Variants in AP2A2 observed in about 807,000 individuals in gnomAD.
The protein encoded by AP2A2 is adaptor related protein complex 2 subunit alpha 2, also known as AP-2 complex subunit alpha-2.
AP2A2 carries 32 observed loss-of-function variants against 104.2 expected under a neutral mutation model. The observed-to-expected ratio is 0.31, with a 90% CI of 0.23 to 0.41. The LOEUF (loss-of-function observed/expected upper bound fraction) is 0.41. Among genes scored for constraint, AP2A2 ranks in the 10% least tolerant of loss-of-function variants. AP2A2 has a pLI of 1.00. For synonymous variants in AP2A2, 539 were observed against 533.3 expected (o/e 1.01, Z -0.15); for missense variants, 912 against 1,261.0 (o/e 0.72, Z 4.19).
At chr11:952,308 TC>T (rs894402382) in intron 1 of AP2A2, among the ~76,000 whole-genome samples, 1 of 152,226 alleles carries the variant, frequency 6.6e-6, no homozygotes, top group Non-Finnish European at 1.5e-5. Context: ...CTTGGGCTGT[TC>T]CCAGAATACT....
Position 981,485 on chromosome 11 carries a change from T to G in AP2A2, c.705+186T>G, listed in dbSNP as rs572101675. ...TCTGTACAGAAGCACAGCTCCCTGT[T>G]CCCATGGTGTGAGTGAGCACCCAAC... On this transcript the variant is annotated intron_variant, in intron 6 of 21. Transcript: ENST00000448903. The G allele has an allele frequency of 1.2e-5, 7 of 575,180 alleles. No individual in the cohort carries two copies. The African/African-American group carries it at 1.3e-4, about 11-fold the overall frequency. The allele number at this position is 575,180 out of a possible 1,614,324, so 35.6% of individuals were successfully genotyped here.
At chr11:977,970 C>G (rs1855107572) in intron 5 of AP2A2, among the ~76,000 whole-genome samples, 1 of 152,176 alleles carries the variant, frequency 6.6e-6, no homozygotes, top group South Asian at 2.1e-4. Flanking sequence ...TCAGACGGTG[C>G]TGCTGGAGGC....
chr11:937,686 A>C (rs1853503556), intron 1 of AP2A2, among the ~76,000 whole-genome samples: 1 of 152,186 alleles, frequency 6.6e-6, no homozygotes. Context: ...AAAGGATTGA[A>C]TATCTCATGT....
intron 5 of AP2A2, among the ~76,000 whole-genome samples, chr11:978,750 A>G (rs1241911270): frequency 2.6e-5 from 4 of 152,144 alleles, no homozygotes; most frequent in Non-Finnish European, 4.4e-5. Context: ...GGAGCCCCCA[A>G]GAAAGGTGTC....
chr11:1,006,682 G>C, intron 17 of AP2A2, 65 bp downstream of exon 17: 2 of 1,304,934 alleles, frequency 1.5e-6, no homozygotes, highest in Non-Finnish European at 2.2e-6. Flanking sequence ...GGAGGCTTTT[G>C]AGGAAGTTTT....
At chr11:945,026 G>C (rs1038914054) in intron 1 of AP2A2, among the ~76,000 whole-genome samples, 5 of 152,046 alleles carry the variant, frequency 3.3e-5, no homozygotes, top group African/African-American at 7.3e-5. Context: ...GGTGTGAGGG[G>C]TGAACAGCTT....
chr11:985,460 T>G lies in AP2A2; in HGVS notation c.840T>G (p.Thr280=). Residue 280 remains threonine, a synonymous_variant, in exon 8 of 22, where the codon ACT becomes ACG. Transcript: ENST00000448903. ...PPDPAVRGRL[T]ECLETILNKA... is the part of the protein sequence containing the mutation. The stretch of plus-strand genomic sequence containing the variant: ...ACCCTGCAGTGCGAGGCCGCCTGAC[T>G]GAGTGCCTGGAGACCATCCTGAACA... 2 of 1,613,958 alleles carry G rather than the reference T, an allele frequency of 1.2e-6. No individual in the cohort carries two copies. The highest frequency in any genetic ancestry group is 1.7e-6 in the Non-Finnish European group (2 of 1,179,870).
chr11:951,713 A>G (rs984538414), intron 1 of AP2A2, among the ~76,000 whole-genome samples: 7 of 152,236 alleles, frequency 4.6e-5, no homozygotes, highest in Admixed American at 3.9e-4. Flanking sequence ...TCACGTAGCT[A>G]GTAAAACATG....
At chr11:936,115 G>A (rs1853451514) in intron 1 of AP2A2, among the ~76,000 whole-genome samples, 1 of 146,704 alleles carries the variant, frequency 6.8e-6, no homozygotes, top group Non-Finnish European at 1.5e-5. Flanking sequence ...CACCGTGTTA[G>A]CCAGGATGGT....
chr11:961,137 T>C (rs1223240932), intron 2 of AP2A2, among the ~76,000 whole-genome samples: 1 of 151,014 alleles, frequency 6.6e-6, no homozygotes, highest in East Asian at 2.0e-4. Flanking sequence ...CAGTGAAAAG[T>C]AAAGGGCAGA....
chr11:972,260 G>A lies in AP2A2; in HGVS notation c.473+5G>A, dbSNP rs1040686640. 1.3e-6 allele frequency: 2 copies of A among 1,582,618 alleles called. No homozygotes were observed. The highest frequency in any genetic ancestry group is 8.6e-7 in the Non-Finnish European group (1 of 1,169,524). The stretch of plus-strand genomic sequence containing the variant: ...CCCTAAGGTCCTCGTAGCCGGGTAT[G>A]TGCCGGGCTCGTGCCGGGCTCCTGC... On this transcript the variant is annotated splice_donor_5th_base_variant and intron_variant, in intron 4 of 21. Coordinates refer to ENST00000448903, the MANE Select transcript of AP2A2 (RefSeq NM_012305.4).
intron 1 of AP2A2, among the ~76,000 whole-genome samples, chr11:927,689 C>G (rs758620341): frequency 5.3e-5 from 8 of 151,620 alleles, no homozygotes; most frequent in Non-Finnish European, 7.4e-5. Flanking sequence ...TATTGGTGTA[C>G]ACATCTATAG....
chr11:950,369 C>T lies in AP2A2; in HGVS notation c.68-9068C>T, dbSNP rs796166814. Among the ~76,000 whole-genome samples, 16 of 146,174 alleles carry T rather than the reference C, an allele frequency of 1.1e-4. No homozygotes were observed. In the South Asian group the frequency reaches 1.3e-3, roughly 12 times the overall value. On this transcript the variant is annotated intron_variant, in intron 1 of 21. Coordinates refer to ENST00000448903, the MANE Select transcript of AP2A2 (RefSeq NM_012305.4). The stretch of plus-strand genomic sequence containing the variant: ...CTGTCACCAGGCTGGAGTGCAGTGG[C>T]GTGATCTTGTTTCACTGCAATCTCC...
intron 2 of AP2A2, 86 bp from the exon 3 acceptor site, chr11:970,083 G>T (rs1673787297): frequency 7.5e-6 from 11 of 1,469,628 alleles, no homozygotes; most frequent in Non-Finnish European, 1.0e-5. Context: ...CGTGCTGCCT[G>T]CTGTACTGCT....
At chr11:933,016 T>A (rs1287054011) in intron 1 of AP2A2, among the ~76,000 whole-genome samples, 1 of 152,202 alleles carries the variant, frequency 6.6e-6, no homozygotes, top group African/African-American at 2.4e-5. Flanking sequence ...ACGCCTGTAA[T>A]CCCAGCACTT....
In AP2A2 at chr11:993,628, A is replaced by G; in HGVS notation, c.1551-126A>G. ...CTTTGCGGTGGGATCTGGAGCTGGAAGAGGGTCCCGACCAGCGGCCTCTGG... is the reference window on the plus strand; with the variant it reads ...CTTTGCGGTGGGATCTGGAGCTGGAGGAGGGTCCCGACCAGCGGCCTCTGG... On this transcript the variant is annotated intron_variant, in intron 12 of 21. Coordinates refer to ENST00000448903, the MANE Select transcript of AP2A2 (RefSeq NM_012305.4). The surrounding 1 kb of genome is among the most constrained non-coding windows in gnomAD (Gnocchi z 8.2). The G allele has an allele frequency of 1.4e-6, 1 of 728,224 alleles. No homozygotes were observed. Among genetic ancestry groups the G allele is most frequent in the Non-Finnish European group, 2.2e-6 (1 of 449,210 alleles). The allele number at this position is 728,224 out of a possible 1,614,324, so 45.1% of individuals were successfully genotyped here.
intron 10 of AP2A2, among the ~76,000 whole-genome samples, chr11:990,856 C>A (rs1156565067): frequency 7.2e-6 from 1 of 138,882 alleles, no homozygotes; most frequent in Non-Finnish European, 1.6e-5. Flanking sequence ...CCCACCCCAT[C>A]CTTTCAGCTG....
intron 4 of AP2A2, among the ~76,000 whole-genome samples, chr11:973,919 G>A (rs1374561553): frequency 1.3e-5 from 2 of 152,216 alleles, no homozygotes; most frequent in Non-Finnish European, 2.9e-5. Context: ...CCTAGTAGGT[G>A]CTTGGTGGAT....
At chr11:985,016 CT>C (rs1169236475) in intron 7 of AP2A2, among the ~76,000 whole-genome samples, 2 of 152,196 alleles carry the variant, frequency 1.3e-5, no homozygotes, top group Non-Finnish European at 2.9e-5. Flanking sequence ...TGGAGTCTCC[CT>C]TTGTTGCCCA....
Sources: gnomAD v4.1 joint callset for allele counts (sites outside exome capture counted in the v4.1 genomes callset) on GRCh38, gnomAD v4.1.1 for gene constraint, Gnocchi (gnomAD v3.1) non-coding constraint, MANE v1.5 for transcripts, NCBI Gene and HGNC (gene_info 2026-07-23, HGNC 2026-07-21) for gene names.